The following BACH1 variants were observed in gnomAD, a reference collection of about 807,000 sequenced individuals.
BACH1 encodes the protein BTB domain and CNC homolog 1.
A neutral mutation model predicts 52.9 loss-of-function variants in BACH1; 35 were observed. That is an observed-to-expected ratio of 0.66 (90% CI 0.51 to 0.88). The LOEUF (loss-of-function observed/expected upper bound fraction) is 0.88. Ranked by LOEUF, BACH1 falls within the 40% of genes least tolerant of loss-of-function variation. The pLI, the probability that BACH1 is intolerant of heterozygous loss-of-function variation, is 0.00. For synonymous variants in BACH1, 321 were observed against 319.6 expected, an observed-to-expected ratio of 1.00 and a Z score of -0.05; for missense variants, 808 against 872.6, an observed-to-expected ratio of 0.93 and a Z score of 0.93.
At chr21:29,356,839 T>G (rs998021673) in intron 2 of BACH1, among the ~76,000 whole-genome samples, 1 of 126,992 alleles carries the variant, frequency 7.9e-6, no homozygotes, top group African/African-American at 2.7e-5. Context: ...TGTTTTTCCT[T>G]TACTACTTCT....
At chr21:29,328,242 A>G (rs973961751) in intron 3 of BACH1, among the ~76,000 whole-genome samples, 2 of 152,208 alleles carry the variant, frequency 1.3e-5, no homozygotes, top group African/African-American at 2.4e-5. Flanking sequence ...TTAATTTAGC[A>G]TGAGTTACAT....
chr21:29,309,526 C>T (rs1456287605), intron 1 of BACH1, among the ~76,000 whole-genome samples: 5 of 152,100 alleles, frequency 3.3e-5, no homozygotes, highest in African/African-American at 1.2e-4. Context: ...AAATTATTGC[C>T]CTTCTCAAGC....
At chr21:29,334,883 C>T (rs781586272) in intron 4 of BACH1, among the ~76,000 whole-genome samples, 15 of 152,194 alleles carry the variant, frequency 9.9e-5, no homozygotes, top group African/African-American at 1.4e-4. Context: ...ACTGGCTGCT[C>T]AACCAAAGCG....
At chr21:29,331,595 G>A (rs2123457763) in intron 4 of BACH1, among the ~76,000 whole-genome samples, 1 of 152,170 alleles carries the variant, frequency 6.6e-6, no homozygotes, top group East Asian at 1.9e-4. Context: ...CTATCTTTGG[G>A]CTTTCTTCTC....
At chr21:29,350,169 A>C (rs931977809), downstream of BACH1, among the ~76,000 whole-genome samples, 4 of 152,168 alleles carry the variant, frequency 2.6e-5, no homozygotes, top group African/African-American at 9.7e-5. Flanking sequence ...AAACCTCCAC[A>C]TACAATCGAA....
intron 1 of BACH1, among the ~76,000 whole-genome samples, chr21:29,312,072 C>G (rs987323830): frequency 5.3e-5 from 8 of 152,214 alleles, no homozygotes; most frequent in African/African-American, 1.9e-4. Context: ...TCTTTATGTC[C>G]TTACTTGTGC....
intron 4 of BACH1, among the ~76,000 whole-genome samples, chr21:29,331,821 G>A (rs1479988183): frequency 6.6e-6 from 1 of 152,010 alleles, no homozygotes; most frequent in African/African-American, 2.4e-5. Flanking sequence ...ACAATGCCTG[G>A]CACGTAGTAA....
intron 1 of BACH1, among the ~76,000 whole-genome samples, chr21:29,318,966 A>G (rs2088818519): frequency 6.6e-6 from 1 of 152,184 alleles, no homozygotes; most frequent in Admixed American, 6.5e-5. Flanking sequence ...TGGAGACAGA[A>G]TGATGGAGTA....
intron 1 of BACH1, among the ~76,000 whole-genome samples, chr21:29,318,125 G>A (rs1161180458): frequency 2.0e-5 from 3 of 152,184 alleles, no homozygotes; most frequent in Non-Finnish European, 4.4e-5. Context: ...CAGACTACTT[G>A]CAAGTAATAA....
intron 4 of BACH1, among the ~76,000 whole-genome samples, chr21:29,334,161 G>A (rs546291106): frequency 2.5e-4 from 37 of 150,780 alleles, no homozygotes; most frequent in African/African-American, 8.8e-4. Context: ...GCTGGAGGTC[G>A]GTCTTGGCTC....
At chr21:29,303,241 A>T (rs1354539459) in intron 1 of BACH1, among the ~76,000 whole-genome samples, 1 of 152,238 alleles carries the variant, frequency 6.6e-6, no homozygotes, top group African/African-American at 2.4e-5. Flanking sequence ...ATATGAATAC[A>T]ATGGACATAT....
chr21:29,322,897 T>C (rs1193232791), intron 2 of BACH1, among the ~76,000 whole-genome samples: 1 of 152,230 alleles, frequency 6.6e-6, no homozygotes, highest in African/African-American at 2.4e-5. Context: ...ATAATGGAGA[T>C]GTATTAACTA....
chr21:29,338,708 A>G (rs1161892229), intron 4 of BACH1, among the ~76,000 whole-genome samples: 1 of 152,194 alleles, frequency 6.6e-6, no homozygotes, highest in East Asian at 1.9e-4. Context: ...TAAAACGTTT[A>G]TATGGTTCAA....
chr21:29,301,209 T>A (rs1196003012), intron 1 of BACH1, among the ~76,000 whole-genome samples: 1 of 152,188 alleles, frequency 6.6e-6, no homozygotes, highest in Non-Finnish European at 1.5e-5. Context: ...TATTAGGGCC[T>A]CCAAGGTGGG....
At chr21:29,306,202 G>GTGTA (rs1050904539) in intron 1 of BACH1, among the ~76,000 whole-genome samples, 17 of 151,314 alleles carry the variant, frequency 1.1e-4, no homozygotes, top group African/African-American at 4.1e-4. Context: ...GTGTGTGTGT[G>GTGTA]TGTGTGTGTA....
chr21:29,304,347 A>G (rs1320999299), intron 1 of BACH1, among the ~76,000 whole-genome samples: 2 of 151,622 alleles, frequency 1.3e-5, no homozygotes, highest in African/African-American at 2.4e-5. Context: ...CTGGTCTCGA[A>G]CTCCTGACCT....
At chr21:29,312,019 C>A (rs896110223) in intron 1 of BACH1, among the ~76,000 whole-genome samples, 5 of 152,192 alleles carry the variant, frequency 3.3e-5, no homozygotes, top group Non-Finnish European at 7.3e-5. Context: ...CCATAGGTAT[C>A]CCTAGAGCAG....
intron 1 of BACH1, among the ~76,000 whole-genome samples, chr21:29,319,287 A>T (rs1174014994): frequency 6.6e-6 from 1 of 152,194 alleles, no homozygotes; most frequent in African/African-American, 2.4e-5. Context: ...GAGAGGTTGG[A>T]TATCTATGAG....
intron 1 of BACH1, among the ~76,000 whole-genome samples, chr21:29,316,979 T>C (rs993773763): frequency 2.6e-5 from 4 of 152,190 alleles, no homozygotes; most frequent in African/African-American, 9.7e-5. Context: ...AAGATCTAGA[T>C]TGGGGTCCCC....
Sources: gnomAD v4.1 joint callset for allele counts (sites outside exome capture counted in the v4.1 genomes callset) on GRCh38, gnomAD v4.1.1 for gene constraint, MANE v1.5 for transcripts, NCBI Gene and HGNC (gene_info 2026-07-23, HGNC 2026-07-21) for gene names.